The following INSC variants were observed in gnomAD, a reference collection of about 807,000 sequenced individuals.
INSC encodes the protein INSC spindle orientation adaptor protein.
INSC carries 67 observed loss-of-function variants against 58.6 expected under a neutral mutation model. The ratio of observed to expected loss-of-function variants is 1.14; its 90% CI spans 0.94 to 1.40. The LOEUF is 1.40. Ranked by LOEUF, INSC falls within the 40% of genes most tolerant of loss-of-function variation. The pLI is 0.00. For synonymous variants in INSC, 262 were observed against 276.1 expected, an observed-to-expected ratio of 0.95 and a Z score of 0.51; for missense variants, 714 against 692.0, an observed-to-expected ratio of 1.03 and a Z score of -0.36.
At chr11:15,241,106 G>A (rs1292306953) in intron 12 of INSC, among the ~76,000 whole-genome samples, 4 of 152,120 alleles carry the variant, frequency 2.6e-5, no homozygotes, top group African/African-American at 9.7e-5. Context: ...TTTGCTAGGG[G>A]TCCACCATGA....
intron 1 of INSC, 106 bp from the exon 2 acceptor site, chr11:15,149,024 T>C (rs1431474357): frequency 6.8e-6 from 9 of 1,333,310 alleles, no homozygotes; most frequent in Non-Finnish European, 8.8e-6. Context: ...CTAAGAAGTC[T>C]TACCTCTTTG....
chr11:15,180,387 G>A (rs1411738956), intron 5 of INSC, among the ~76,000 whole-genome samples: 1 of 152,164 alleles, frequency 6.6e-6, no homozygotes, highest in African/African-American at 2.4e-5. Context: ...GCAGCAAAGA[G>A]GCAGGGTATC....
chr11:15,137,741 C>A (rs1429856655), intron 1 of INSC, among the ~76,000 whole-genome samples: 2 of 152,218 alleles, frequency 1.3e-5, no homozygotes, highest in African/African-American at 4.8e-5. Context: ...GTTTCATTTT[C>A]TATCCAGACC....
At chr11:15,114,624 G>A (rs1564852355), upstream of INSC, among the ~76,000 whole-genome samples, 1 of 152,190 alleles carries the variant, frequency 6.6e-6, no homozygotes, top group Non-Finnish European at 1.5e-5. Context: ...GGTGCCTGCC[G>A]CCTGGCCCGG....
At chr11:15,229,998 TA>T (rs1241799078) in intron 9 of INSC, among the ~76,000 whole-genome samples, 13 of 25,160 alleles carry the variant, frequency 5.2e-4, no homozygotes, top group South Asian at 5.1e-3. Flanking sequence ...TATATATATA[TA>T]TATATATATA....
chr11:15,223,731 G>C (rs1017807222), intron 8 of INSC, among the ~76,000 whole-genome samples: 7 of 152,198 alleles, frequency 4.6e-5, no homozygotes, highest in Non-Finnish European at 1.5e-5. Context: ...GCCTGGAAGG[G>C]GCTGGGGACT....
chr11:15,140,583 CT>C lies in INSC; in HGVS notation c.-45-8532del, dbSNP rs893928175. 5.3e-3 allele frequency among the ~76,000 whole-genome samples: 738 copies of C among 140,416 alleles called. 2 individuals are homozygous for C. The highest frequency in any genetic ancestry group is 0.011 in the African/African-American group (429 of 38,498). The allele number at this position is 140,416 out of a possible 152,430, so 92.1% of individuals were successfully genotyped here. ...CTTTTTTTTGATTTCTTTCTTTCTT[CT>C]TTTTTTTTTTTTTTCTTTTAGAGGT... On this transcript the variant is annotated intron_variant, in intron 1 of 12. Transcript: ENST00000379556.
chr11:15,165,502 T>TA (rs1425856552), intron 2 of INSC, among the ~76,000 whole-genome samples: 1 of 152,190 alleles, frequency 6.6e-6, no homozygotes, highest in Non-Finnish European at 1.5e-5. Flanking sequence ...TGTCCAAAGT[T>TA]ACGTAGCTAG....
intron 7 of INSC, among the ~76,000 whole-genome samples, chr11:15,212,823 T>A (rs1023626096): frequency 3.3e-5 from 5 of 152,250 alleles, no homozygotes; most frequent in African/African-American, 1.2e-4. Context: ...TCCTTCTATT[T>A]TTGCATATCT....
chr11:15,116,403 C>G (rs1847695006), intron 1 of INSC, among the ~76,000 whole-genome samples: 1 of 152,174 alleles, frequency 6.6e-6, no homozygotes, highest in Non-Finnish European at 1.5e-5. Flanking sequence ...AGTCTCCCTC[C>G]CACAGGCTGG....
At chr11:15,187,205 T>C (rs981809705) in intron 5 of INSC, among the ~76,000 whole-genome samples, 16 of 152,294 alleles carry the variant, frequency 1.1e-4, no homozygotes, top group Non-Finnish European at 1.8e-4. Context: ...GATGCCTGGG[T>C]GGAAGCTTCA....
chr11:15,206,850 A>C (rs1003876151), intron 7 of INSC, among the ~76,000 whole-genome samples: 1 of 152,204 alleles, frequency 6.6e-6, no homozygotes, highest in African/African-American at 2.4e-5. Flanking sequence ...CTGCGTGGAG[A>C]AAGCACTCTG....
intron 1 of INSC, among the ~76,000 whole-genome samples, chr11:15,146,874 G>A (rs1216489929): frequency 6.6e-6 from 1 of 152,052 alleles, no homozygotes; most frequent in Non-Finnish European, 1.5e-5. Flanking sequence ...GGATCCCTCA[G>A]AGATGACTTG....
At chr11:15,176,575 A>G (rs1377842690) in intron 3 of INSC, among the ~76,000 whole-genome samples, 1 of 152,196 alleles carries the variant, frequency 6.6e-6, no homozygotes, top group Non-Finnish European at 1.5e-5. Flanking sequence ...CCTTTATTTT[A>G]TAGATGAGGA....
chr11:15,176,542 A>G (rs1849581216), intron 3 of INSC, among the ~76,000 whole-genome samples: 1 of 152,142 alleles, frequency 6.6e-6, no homozygotes, highest in East Asian at 1.9e-4. Flanking sequence ...ACTTAAAGCA[A>G]TTGATTAAAA....
At position 15,225,835 on chromosome 11, in the gene INSC, C is replaced by T. The variant is rs759116210; in HGVS notation, c.1170+7C>T. 93 of 1,609,728 alleles carry T rather than the reference C, an allele frequency of 5.8e-5. 1 individual carries two copies. The highest frequency in any genetic ancestry group is 3.3e-4 in the South Asian group (30 of 90,166). ...GCCTTACACTCGGGACCAGGTAAGACGCCCAGAAGGCACTGAGCACAGGGC... is the reference window on the plus strand; with the variant it reads ...GCCTTACACTCGGGACCAGGTAAGATGCCCAGAAGGCACTGAGCACAGGGC... On this transcript the variant is annotated splice_region_variant and intron_variant, in intron 9 of 12. Transcript: ENST00000379556.
intron 11 of INSC, among the ~76,000 whole-genome samples, chr11:15,239,520 C>T (rs913025016): frequency 6.6e-6 from 1 of 152,172 alleles, no homozygotes; most frequent in African/African-American, 2.4e-5. Context: ...TTAACATGCT[C>T]ATTCATTCAG....
intron 2 of INSC, among the ~76,000 whole-genome samples, chr11:15,170,223 G>A (rs1223643609): frequency 6.6e-6 from 1 of 151,842 alleles, no homozygotes; most frequent in Non-Finnish European, 1.5e-5. Context: ...ATCCATATAT[G>A]CAAAATCTGT....
chr11:15,191,309 C>T (rs1252176888), intron 6 of INSC, among the ~76,000 whole-genome samples: 2 of 151,068 alleles, frequency 1.3e-5, no homozygotes, highest in Admixed American at 6.6e-5. Context: ...GTGGCTAGCC[C>T]CTCTGATTTC....
Sources: gnomAD v4.1 joint callset for allele counts (sites outside exome capture counted in the v4.1 genomes callset) on GRCh38, gnomAD v4.1.1 for gene constraint, MANE v1.5 for transcripts, NCBI Gene and HGNC (gene_info 2026-07-23, HGNC 2026-07-21) for gene names.